The following EIF3J variants were observed in gnomAD, a reference collection of about 807,000 sequenced individuals.
EIF3J encodes the protein eukaryotic translation initiation factor 3 subunit J, also known as eukaryotic translation initiation factor 3, subunit 1 (alpha, 35kD).
Under a neutral mutation model 39.0 loss-of-function variants are expected in EIF3J, and 15 were observed. The observed-to-expected ratio is 0.38, with a 90% CI of 0.26 to 0.59. The LOEUF (loss-of-function observed/expected upper bound fraction) is 0.59. Ranked by LOEUF, EIF3J falls within the 20% of genes least tolerant of loss-of-function variation. EIF3J has a pLI of 0.60. For synonymous variants in EIF3J, 98 were observed against 112.9 expected (o/e 0.87, Z 0.84); for missense variants, 226 against 308.6 (o/e 0.73, Z 2.00).
rs1263715232 is a variant in EIF3J at position 44,562,007 on chromosome 15, A to AAAT, written c.*859_*861dup. On this transcript the variant is annotated 3_prime_UTR_variant, in exon 8 of 8. Coordinates refer to ENST00000261868, the MANE Select transcript of EIF3J (RefSeq NM_003758.4). ...CTGCACCAGTTAACTACAGTTTGGT[A>AAAT]AATTGTTATGTTAACAATTATGACA... 3 of 152,758 alleles carry AAAT rather than the reference A, an allele frequency of 2.0e-5. No individual in the cohort carries two copies. Among genetic ancestry groups the AAAT allele is most frequent in the South Asian group, 4.2e-4 (2 of 4,814 alleles). The allele number at this position is 152,758 out of a possible 1,614,324, so 9.5% of individuals were successfully genotyped here. A position where few individuals can be genotyped will look rare whatever the true frequency, so the allele number is the denominator to read the frequency against.
intron 2 of EIF3J, among the ~76,000 whole-genome samples, chr15:44,544,685 T>A (rs1049876605): frequency 3.2e-4 from 19 of 59,772 alleles, no homozygotes; most frequent in African/African-American, 8.4e-4. Flanking sequence ...GCCTGGGCAA[T>A]AAGAGCAAAA....
intron 6 of EIF3J, chr15:44,558,770 A>G (rs2082165903): frequency 6.6e-6 from 1 of 152,140 alleles, no homozygotes; most frequent in South Asian, 2.1e-4. Flanking sequence ...GAGAAAAAGG[A>G]ATCCTACACA....
chr15:44,550,199 CTAG>C (rs992482237), intron 2 of EIF3J, among the ~76,000 whole-genome samples: 1 of 152,056 alleles, frequency 6.6e-6, no homozygotes, highest in Non-Finnish European at 1.5e-5. Flanking sequence ...CTGTAAAACC[CTAG>C]AGAAGCAACG....
chr15:44,554,115 ACCTGTAAT>A (rs2082124112), intron 4 of EIF3J, among the ~76,000 whole-genome samples: 1 of 151,978 alleles, frequency 6.6e-6, no homozygotes. Context: ...AGTGGCTCAC[ACCTGTAAT>A]CCCAACACTT....
intron 4 of EIF3J, among the ~76,000 whole-genome samples, chr15:44,553,717 T>C (rs966228780): frequency 1.3e-5 from 2 of 152,220 alleles, no homozygotes; most frequent in African/African-American, 2.4e-5. Context: ...TAAATTTATT[T>C]GAAATTATGA....
At chr15:44,541,412 T>C (rs79221366) in intron 2 of EIF3J, among the ~76,000 whole-genome samples, 3,074 of 152,310 alleles carry the variant, frequency 0.02, 103 homozygotes, top group East Asian at 0.13. Context: ...TGTAACCATA[T>C]AGCATTTCTT....
intron 4 of EIF3J, among the ~76,000 whole-genome samples, chr15:44,552,069 C>T (rs1417388518): frequency 6.6e-6 from 1 of 152,026 alleles, no homozygotes; most frequent in East Asian, 2.0e-4. Flanking sequence ...GATCCACCCG[C>T]CTCGGCCTCC....
intron 2 of EIF3J, among the ~76,000 whole-genome samples, chr15:44,548,191 G>A (rs1046132951): frequency 6.6e-6 from 1 of 152,142 alleles, no homozygotes; most frequent in Non-Finnish European, 1.5e-5. Context: ...GGAGGCTGAG[G>A]ATCACCTGAT....
chr15:44,555,358 T>C (rs1057155510), intron 5 of EIF3J, among the ~76,000 whole-genome samples: 1 of 152,202 alleles, frequency 6.6e-6, no homozygotes, highest in African/African-American at 2.4e-5. Flanking sequence ...ATCACTGAAA[T>C]TTATAACCAA....
intron 2 of EIF3J, among the ~76,000 whole-genome samples, chr15:44,544,325 T>G (rs2082036122): frequency 1.3e-5 from 2 of 151,556 alleles, no homozygotes; most frequent in South Asian, 4.2e-4. Flanking sequence ...CTTGAACTCC[T>G]GAACTCAGGT....
chr15:44,544,398 C>T (rs1029524266), intron 2 of EIF3J, among the ~76,000 whole-genome samples: 3 of 150,502 alleles, frequency 2.0e-5, no homozygotes, highest in African/African-American at 7.3e-5. Context: ...TCATCTGGCC[C>T]AGTTTCTTAA....
chr15:44,551,319 T>G, intron 3 of EIF3J, 112 bp from the exon 4 acceptor site: 1 of 712,822 alleles, frequency 1.4e-6, no homozygotes, highest in Non-Finnish European at 2.3e-6. Context: ...AAAATCACTG[T>G]TTGAAGCTGG....
intron 2 of EIF3J, among the ~76,000 whole-genome samples, chr15:44,538,498 T>G (rs373858851): frequency 6.6e-6 from 1 of 152,182 alleles, no homozygotes; most frequent in Admixed American, 6.5e-5. Context: ...CTGCCTGGGC[T>G]GAAAAGTTTA....
intron 5 of EIF3J, among the ~76,000 whole-genome samples, chr15:44,555,955 C>G (rs1285846994): frequency 1.3e-5 from 2 of 152,054 alleles, no homozygotes; most frequent in Non-Finnish European, 2.9e-5. Context: ...CCTCTGGGCT[C>G]AAGCCATCCT....
In EIF3J at chr15:44,550,899, TG is replaced by T; in HGVS notation, c.172del (p.Glu58LysfsTer8). The T allele has an allele frequency of 1.2e-6, 2 of 1,608,898 alleles. No homozygotes were observed. Among genetic ancestry groups the T allele is most frequent in the Non-Finnish European group, 1.7e-6 (2 of 1,176,806 alleles). Reference protein sequence around the residue: ...VKDNWDDDDDEKKEEAEVKPE... With the variant: ...VKDNWDDDDDXKKEEAEVKPE... ...AGGATAACTGGGATGACGATGATGA[TG>T]AAAAAAAAGAGGAAGCAGAAGTAAA... On this transcript the variant is annotated frameshift_variant, in exon 3 of 8. Transcript: ENST00000261868. LOFTEE classifies it high-confidence loss of function.
rs2140906495 is a variant in EIF3J, at chr15:44,562,320, T to TTGG, written c.*1171_*1172insTGG. 6.5e-6 allele frequency: 1 copy of TTGG among 152,738 alleles called. No homozygotes were observed. The highest frequency in any genetic ancestry group is 2.4e-5 in the African/African-American group (1 of 41,584). The allele number at this position is 152,738 out of a possible 1,614,324, so 9.5% of individuals were successfully genotyped here. On this transcript the variant is annotated 3_prime_UTR_variant, in exon 8 of 8. Coordinates refer to ENST00000261868, the MANE Select transcript of EIF3J (RefSeq NM_003758.4). Reference sequence around the variant, plus strand: ...ATTTTGTTATTTAGATACCAAGGCCTAATTAATTAAGTACCTATAAGAACT... The same window carrying TTGG: ...ATTTTGTTATTTAGATACCAAGGCCTTGGAATTAATTAAGTACCTATAAGAACT...
chr15:44,541,109 C>T (rs755972686), intron 2 of EIF3J, among the ~76,000 whole-genome samples: 10 of 152,270 alleles, frequency 6.6e-5, no homozygotes, highest in Admixed American at 2.0e-4. Flanking sequence ...GCATAGTTTC[C>T]CATCACCCTG....
chr15:44,537,171 A>G lies in EIF3J; in HGVS notation c.-24A>G, dbSNP rs2081964082. On this transcript the variant is annotated 5_prime_UTR_variant, in exon 1 of 8. Coordinates refer to ENST00000261868, the MANE Select transcript of EIF3J (RefSeq NM_003758.4). ...TAACTCCTCGCTAGCTCTCCCTCTCACACACGCTCACACCCGGCTCGAGAT... is the reference window on the plus strand; with the variant it reads ...TAACTCCTCGCTAGCTCTCCCTCTCGCACACGCTCACACCCGGCTCGAGAT... 1.2e-6 allele frequency: 2 copies of G among 1,611,402 alleles called. No individual in the cohort carries two copies. Among genetic ancestry groups the G allele is most frequent in the East Asian group, 4.5e-5 (2 of 44,760 alleles).
chr15:44,539,690 A>G (rs11634253), intron 2 of EIF3J, among the ~76,000 whole-genome samples: 3,136 of 149,268 alleles, frequency 0.021, 51 homozygotes, highest in Middle Eastern at 0.07. Flanking sequence ...GTGAGCCACC[A>G]CACCCGGCCC....
Sources: allele counts gnomAD v4.1 joint callset (sites outside exome capture counted in the v4.1 genomes callset), GRCh38; gene constraint gnomAD v4.1.1; transcripts MANE v1.5; gene names NCBI Gene and HGNC (gene_info 2026-07-23, HGNC 2026-07-21).